Variants in MSRA observed in about 807,000 individuals in gnomAD.
MSRA encodes mitochondrial peptide methionine sulfoxide reductase.
MSRA carries 54 observed loss-of-function variants against 31.3 expected under a neutral mutation model. That is an observed-to-expected ratio of 1.73 (90% confidence interval 1.39 to 2.17). The LOEUF is 2.17. MSRA is among the 30% of genes most tolerant of loss of function. The pLI, the probability that MSRA is intolerant of heterozygous loss-of-function variation, is 0.00. For missense variants in MSRA, 507 were observed against 300.9 expected (o/e 1.69, Z -5.07); for synonymous variants, 169 against 116.5 (o/e 1.45, Z -2.90).
chr8:10,385,090 G>T (rs896714901), intron 5 of MSRA, among the ~76,000 whole-genome samples: 4 of 152,212 alleles, frequency 2.6e-5, no homozygotes, highest in Non-Finnish European at 5.9e-5. Flanking sequence ...AACTTCGAAT[G>T]CAAAGGACAA....
At chr8:10,407,437 T>G (rs1321266164) in intron 5 of MSRA, among the ~76,000 whole-genome samples, 1 of 152,162 alleles carries the variant, frequency 6.6e-6, no homozygotes, top group South Asian at 2.1e-4. Flanking sequence ...GGTGGATTTG[T>G]GAACCATTCT....
intron 5 of MSRA, among the ~76,000 whole-genome samples, chr8:10,363,720 C>A (rs1804988432): frequency 1.1e-5 from 1 of 90,440 alleles, no homozygotes; most frequent in South Asian, 4.3e-4. Context: ...ACCTGGGCAA[C>A]CAAGCAAGAT....
At chr8:10,103,468 A>T (rs150302698) in intron 1 of MSRA, among the ~76,000 whole-genome samples, 140 of 152,320 alleles carry the variant, frequency 9.2e-4, no homozygotes, top group African/African-American at 3.2e-3. Context: ...AAATCTCCAA[A>T]ACTCTAAAGG....
intron 5 of MSRA, among the ~76,000 whole-genome samples, chr8:10,421,207 C>G (rs1382475132): frequency 6.6e-6 from 1 of 152,148 alleles, no homozygotes. Flanking sequence ...AGTCAGGAGC[C>G]AGGGTTCAGG....
intron 1 of MSRA, among the ~76,000 whole-genome samples, chr8:10,163,090 A>C (rs185024136): frequency 9.2e-5 from 14 of 152,248 alleles, no homozygotes; most frequent in Non-Finnish European, 1.8e-4. Flanking sequence ...ACCTCTTTGC[A>C]CCATGGGAGG....
At chr8:10,265,466 T>A (rs886533825) in intron 3 of MSRA, among the ~76,000 whole-genome samples, 2 of 152,174 alleles carry the variant, frequency 1.3e-5, no homozygotes, top group African/African-American at 4.8e-5. Flanking sequence ...CTTTGGAATC[T>A]TCTCTTCTCC....
intron 5 of MSRA, among the ~76,000 whole-genome samples, chr8:10,348,257 C>A (rs904060959): frequency 2.0e-5 from 3 of 151,908 alleles, no homozygotes; most frequent in Admixed American, 1.3e-4. Flanking sequence ...GTATTTGAAT[C>A]CGTGCTAGGG....
At chr8:10,322,171 A>G (rs1174058028) in intron 5 of MSRA, among the ~76,000 whole-genome samples, 1 of 152,168 alleles carries the variant, frequency 6.6e-6, no homozygotes, top group Non-Finnish European at 1.5e-5. Flanking sequence ...TTAGAAAGCC[A>G]TATGTTCTAT....
chr8:10,319,882 G>C lies in MSRA; in HGVS notation c.437-1G>C. 6 of 1,522,494 alleles carry C rather than the reference G, an allele frequency of 3.9e-6. No individual in the cohort carries two copies. The highest frequency in any genetic ancestry group is 5.3e-6 in the Non-Finnish European group (6 of 1,130,718). 94.3% of individuals were successfully genotyped at this position (1,522,494 alleles called of 1,614,324 possible). A position where few individuals can be genotyped will look rare whatever the true frequency, so the allele number is the denominator to read the frequency against. On this transcript the variant is annotated splice_acceptor_variant, in intron 4 of 5. Transcript: ENST00000317173. LOFTEE classifies it high-confidence loss of function. ...ACCCTCCCTGTTTTCTGCTTTCCTA[G>C]GTATGCGCCAGGGGAACGACCATGG...
At chr8:10,261,603 G>A (rs1798487613) in intron 3 of MSRA, among the ~76,000 whole-genome samples, 1 of 152,086 alleles carries the variant, frequency 6.6e-6, no homozygotes, top group East Asian at 1.9e-4. Flanking sequence ...TAAGCAGGAA[G>A]TACACAGAGT....
intron 1 of MSRA, chr8:10,096,138 G>A (rs1436982804): frequency 2.4e-6 from 3 of 1,240,528 alleles, no homozygotes; most frequent in Non-Finnish European, 3.2e-6. Flanking sequence ...GCCCAGCCAG[G>A]AAGTCAGAGT....
At chr8:10,376,276 C>G (rs536132311) in intron 5 of MSRA, among the ~76,000 whole-genome samples, 1 of 152,220 alleles carries the variant, frequency 6.6e-6, no homozygotes, top group Admixed American at 6.5e-5. Flanking sequence ...GAGGCTTCTC[C>G]TATCCCTGGC....
chr8:10,428,159 G>C lies in MSRA; in HGVS notation c.555G>C (p.Glu185Asp), dbSNP rs1463248787. ...SKENYQKVLS[E>D]HGFGPITTDI... is the part of the protein sequence containing the mutation. ...CTGTGTCCCCACAGGTTCTTTCAGA[G>C]CACGGCTTCGGCCCCATCACTACCG... Residue 185 changes from glutamate (E) to aspartate (D), a missense_variant, in exon 6 of 6, where the codon GAG becomes GAC. Glu to Asp is a conservative substitution (Grantham distance 45). Transcript: ENST00000317173. 2 of 1,612,860 alleles carry C rather than the reference G, an allele frequency of 1.2e-6. No homozygotes were observed. Among genetic ancestry groups the C allele is most frequent in the South Asian group, 2.2e-5 (2 of 90,768 alleles).
chr8:10,403,099 A>G (rs1255206989), intron 5 of MSRA, among the ~76,000 whole-genome samples: 1 of 152,204 alleles, frequency 6.6e-6, no homozygotes, highest in East Asian at 1.9e-4. Flanking sequence ...GAAGCTTGAG[A>G]TTCTTGTTTA....
At chr8:10,122,738 C>T (rs569764374) in intron 1 of MSRA, among the ~76,000 whole-genome samples, 5 of 152,146 alleles carry the variant, frequency 3.3e-5, no homozygotes, top group Admixed American at 6.5e-5. Context: ...TCTTTGTGTC[C>T]ATGTGTTCAC....
At chr8:10,351,834 C>T (rs539336981) in intron 5 of MSRA, among the ~76,000 whole-genome samples, 1 of 152,266 alleles carries the variant, frequency 6.6e-6, no homozygotes, top group East Asian at 1.9e-4. Context: ...TGGATGAACC[C>T]AGACTGCTTT....
At chr8:10,111,222 A>T (rs990471847) in intron 1 of MSRA, among the ~76,000 whole-genome samples, 1 of 152,162 alleles carries the variant, frequency 6.6e-6, no homozygotes, top group African/African-American at 2.4e-5. Context: ...CAGTACATGA[A>T]TGTATGGAGA....
At chr8:10,099,451 A>C (rs1286976885) in intron 1 of MSRA, among the ~76,000 whole-genome samples, 1 of 152,156 alleles carries the variant, frequency 6.6e-6, no homozygotes, top group Non-Finnish European at 1.5e-5. Context: ...TAATTGATGA[A>C]TGTAGGTACC....
At chr8:10,350,388 C>T (rs1804052655) in intron 5 of MSRA, among the ~76,000 whole-genome samples, 1 of 152,238 alleles carries the variant, frequency 6.6e-6, no homozygotes, top group Non-Finnish European at 1.5e-5. Context: ...ACAGCGCCGG[C>T]CGGATGCTTC....
Sources: allele counts gnomAD v4.1 joint callset (sites outside exome capture counted in the v4.1 genomes callset), GRCh38; gene constraint gnomAD v4.1.1; transcripts MANE v1.5; gene names NCBI Gene and HGNC (gene_info 2026-07-23, HGNC 2026-07-21).